The following TRPM5 variants were observed in gnomAD, a reference collection of about 807,000 sequenced individuals.
TRPM5 encodes the protein transient receptor potential cation channel subfamily M member 5, also known as MLSN1 and TRP-related.
In TRPM5, 121 loss-of-function variants were observed where a neutral mutation model predicts 124.9. That is an observed-to-expected ratio of 0.97 (90% CI 0.84 to 1.13). The LOEUF (loss-of-function observed/expected upper bound fraction) is 1.13. Ranked by LOEUF, TRPM5 falls within the 50% of genes most tolerant of loss-of-function variation. The probability of loss-of-function intolerance (pLI) is 0.00; values close to 1 mark genes in which losing one functional copy is unlikely to be tolerated. For synonymous variants in TRPM5, 781 were observed against 700.5 expected (o/e 1.11, Z -1.81); for missense variants, 1,643 against 1,589.1 (o/e 1.03, Z -0.58).
At chr11:2,421,091 C>A in exon 3 of TRPM5, 1 of 1,549,760 alleles carries the variant, frequency 6.5e-7, no homozygotes. Context: ...ATGCCGACAG[C>A]AACCACACGG....
At chr11:2,428,354 T>C in the TRPM5 span, among the ~76,000 whole-genome samples, 1 of 152,192 alleles carries the variant, frequency 6.6e-6, no homozygotes, top group Non-Finnish European at 1.5e-5. This position sits in a 1 kb window ranked among gnomAD's most constrained non-coding sequence, Gnocchi z 4.0. Flanking sequence ...GGGACCCTGG[T>C]GGCCTCTCTA....
At chr11:2,406,205 C>T (rs962086862) in intron 21 of TRPM5, 114 bp from the exon 27 acceptor site, 8 of 1,109,200 alleles carry the variant, frequency 7.2e-6, no homozygotes, top group Non-Finnish European at 1.1e-5. Flanking sequence ...TGCCCTGGCC[C>T]TTTCCCTTCC....
At chr11:2,436,305 C>T in the TRPM5 span, among the ~76,000 whole-genome samples, 1 of 152,286 alleles carries the variant, frequency 6.6e-6, no homozygotes, top group Non-Finnish European at 1.5e-5. Flanking sequence ...TGGTGGGCTT[C>T]AGAGGGTGAG....
intron 14 of TRPM5, 24 bp downstream of exon 19, chr11:2,413,110 C>T (rs1850486088): frequency 6.4e-7 from 1 of 1,550,744 alleles, no homozygotes; most frequent in African/African-American, 1.4e-5. Context: ...TCCCCTCCAC[C>T]CTGCCTGGCC....
intron 18 of TRPM5, among the ~76,000 whole-genome samples, chr11:2,410,297 C>T (rs1025030793): frequency 1.3e-5 from 2 of 152,208 alleles, no homozygotes; most frequent in African/African-American, 2.4e-5. Flanking sequence ...CCGGTCTGGC[C>T]GTCATCCCCT....
At chr11:2,409,851 T>G (rs932497500) in intron 18 of TRPM5, among the ~76,000 whole-genome samples, 1 of 152,168 alleles carries the variant, frequency 6.6e-6, no homozygotes, top group Non-Finnish European at 1.5e-5. Flanking sequence ...CAGACCTCCC[T>G]GAGGCAGCAC....
chr11:2,412,235 C>T (rs376766205), exon 16 of TRPM5: 2 of 1,612,974 alleles, frequency 1.2e-6, no homozygotes, highest in African/African-American at 1.3e-5. Flanking sequence ...AGGTGTGTGT[C>T]CTCGTCTGTG....
exon 9 of TRPM5, chr11:2,415,209 T>C (rs1349230327): frequency 4.4e-6 from 7 of 1,582,238 alleles, no homozygotes; most frequent in Middle Eastern, 1.7e-4. Flanking sequence ...GGAGACCTCG[T>C]GCAGGGAGAA....
chr11:2,415,935 C>A lies in TRPM5; in HGVS notation c.1099G>T (p.Glu367Ter). Residue 367 changes from glutamate (E) to a stop codon, truncating the protein, a stop_gained, in exon 8 of 24, where the codon GAG (glutamate) becomes TAG (stop). Transcript: ENST00000155858. LOFTEE classifies it high-confidence loss of function. ...CACTCCACGTCCCCATTGAAGATCTCACTCTTGGCGATGTCCACGCGGTCC... is the reference window on the plus strand; with the variant it reads ...CACTCCACGTCCCCATTGAAGATCTAACTCTTGGCGATGTCCACGCGGTCC... 2 of 1,578,996 alleles carry A rather than the reference C, an allele frequency of 1.3e-6. No individual in the cohort carries two copies. The highest frequency in any genetic ancestry group is 2.3e-5 in the East Asian group (1 of 43,382).
chr11:2,417,665 A>C, intron 7 of TRPM5, 62 bp downstream of exon 12: 1 of 1,396,596 alleles, frequency 7.2e-7, no homozygotes, highest in Non-Finnish European at 9.9e-7. Flanking sequence ...CCAAACCCCA[A>C]AGCGGCTCTG....
chr11:2,443,498 C>T, the TRPM5 span, among the ~76,000 whole-genome samples: 30,264 of 152,138 alleles, frequency 0.2, 4,894 homozygotes, highest in African/African-American at 0.44. This position sits in a 1 kb window ranked among gnomAD's most constrained non-coding sequence, Gnocchi z 5.0. Flanking sequence ...GTTATCACAG[C>T]GCCCAGCACA....
chr11:2,422,854 G>A (rs1845791444), intron 1 of TRPM5, 66 bp downstream of exon 6: 1 of 1,418,980 alleles, frequency 7.0e-7, no homozygotes, highest in Admixed American at 1.7e-5. Flanking sequence ...TTCCAGGGAA[G>A]GAAATGGGGC....
chr11:2,409,733 T>C (rs1850404767), intron 18 of TRPM5, among the ~76,000 whole-genome samples: 1 of 151,906 alleles, frequency 6.6e-6, no homozygotes, highest in Admixed American at 6.5e-5. Context: ...GCCCAAGGAA[T>C]TGCAGCTCAG....
chr11:2,411,443 G>C (rs1298802810), exon 18 of TRPM5: 9 of 1,612,396 alleles, frequency 5.6e-6, no homozygotes, highest in South Asian at 5.5e-5. Context: ...GGCCGTCATG[G>C]GGGTGCAGCA....
At chr11:2,438,330 C>T in the TRPM5 span, among the ~76,000 whole-genome samples, 2 of 152,170 alleles carry the variant, frequency 1.3e-5, no homozygotes, top group African/African-American at 4.8e-5. The surrounding 1 kb of genome is among the most constrained non-coding windows in gnomAD (Gnocchi z 5.9). Flanking sequence ...AGGAATACAT[C>T]TAACCCAGGA....
At chr11:2,434,713 G>A in the TRPM5 span, among the ~76,000 whole-genome samples, 3 of 151,408 alleles carry the variant, frequency 2.0e-5, no homozygotes, top group Non-Finnish European at 4.4e-5. Context: ...GTGTGTCTGT[G>A]TGGACACTGT....
chr11:2,430,815 GTGA>G, the TRPM5 span, among the ~76,000 whole-genome samples: 43 of 149,210 alleles, frequency 2.9e-4, no homozygotes, highest in African/African-American at 5.6e-4. Context: ...GGCGGTGATG[GTGA>G]TGGTGTTGAT....
At chr11:2,441,712 G>A in the TRPM5 span, among the ~76,000 whole-genome samples, 1 of 151,766 alleles carries the variant, frequency 6.6e-6, no homozygotes, top group East Asian at 1.9e-4. The surrounding 1 kb of genome is among the most constrained non-coding windows in gnomAD (Gnocchi z 7.2). Context: ...TTTTTTAGAT[G>A]GAGTTTCGCT....
chr11:2,411,563 G>C, intron 17 of TRPM5, 37 bp from the exon 23 acceptor site: 1 of 1,607,692 alleles, frequency 6.2e-7, no homozygotes. Flanking sequence ...GACGTCAGCG[G>C]CCAGCCGGGT....
Sources: gnomAD v4.1 joint callset for allele counts (sites outside exome capture counted in the v4.1 genomes callset) on GRCh38, gnomAD v4.1.1 for gene constraint, Gnocchi (gnomAD v3.1) non-coding constraint, MANE v1.5 for transcripts, NCBI Gene and HGNC (gene_info 2026-07-23, HGNC 2026-07-21) for gene names.